RB1: variants seen among roughly 807,000 people sequenced by gnomAD.
RB1 encodes the protein retinoblastoma-associated protein.
Under a neutral mutation model 135.4 loss-of-function variants are expected in RB1, and 18 were observed. The ratio of observed to expected loss-of-function variants is 0.13; its 90% CI spans 0.09 to 0.20. The LOEUF is 0.20. Among genes scored for constraint, RB1 ranks in the 10% least tolerant of loss-of-function variants. RB1 has a pLI of 1.00. For missense variants in RB1, 868 were observed against 1,110.0 expected, an observed-to-expected ratio of 0.78 and a Z score of 3.10; for synonymous variants, 365 against 373.2, an observed-to-expected ratio of 0.98 and a Z score of 0.25.
intron 12 of RB1, among the ~76,000 whole-genome samples, chr13:48,376,338 T>G (rs1487506170): frequency 6.6e-6 from 1 of 151,882 alleles, no homozygotes; most frequent in African/African-American, 2.4e-5. Context: ...CCATCTCTAC[T>G]AAAGAGACAA....
intron 16 of RB1, among the ~76,000 whole-genome samples, chr13:48,380,883 G>C (rs137859404): frequency 6.6e-6 from 1 of 152,212 alleles, no homozygotes; most frequent in African/African-American, 2.4e-5. Flanking sequence ...TGTAACTAAT[G>C]AAATTAGCAG....
At chr13:48,428,562 A>G (rs912441359) in intron 17 of RB1, among the ~76,000 whole-genome samples, 3 of 152,248 alleles carry the variant, frequency 2.0e-5, no homozygotes, top group Admixed American at 6.5e-5. Context: ...TTAGGTAAAT[A>G]TTAAGCAAAG....
intron 2 of RB1, chr13:48,317,504 A>T: frequency 4.4e-6 from 2 of 458,250 alleles, no homozygotes; most frequent in South Asian, 2.1e-5. Context: ...CCCATGTGAA[A>T]GCTCCCCCCA....
rs1389278291 is a variant in RB1, at chr13:48,471,439, T to C, written c.2490-1921T>C. On this transcript the variant is annotated intron_variant, in intron 23 of 26. Coordinates refer to ENST00000267163, the MANE Select transcript of RB1 (RefSeq NM_000321.3). ...GTCGGGGGAGGGGGGAGGGATAGCATTGGGAGATATACCTAATGCTAGATG... is the reference window on the plus strand; with the variant it reads ...GTCGGGGGAGGGGGGAGGGATAGCACTGGGAGATATACCTAATGCTAGATG... 1.3e-4 allele frequency among the ~76,000 whole-genome samples: 14 copies of C among 110,946 alleles called. No individual in the cohort carries two copies. In the East Asian group the frequency reaches 2.5e-3, roughly 20 times the overall value. 72.8% of individuals were successfully genotyped at this position (110,946 alleles called of 152,430 possible).
chr13:48,371,258 C>G (rs141557170), intron 11 of RB1, among the ~76,000 whole-genome samples: 1 of 152,152 alleles, frequency 6.6e-6, no homozygotes, highest in Non-Finnish European at 1.5e-5. Flanking sequence ...TGGTAATAGT[C>G]AGTGGGGGGA....
At chr13:48,304,087 G>A (rs2138028338) in intron 1 of RB1, 38 bp downstream of exon 1, 4 of 1,383,482 alleles carry the variant, frequency 2.9e-6, no homozygotes, top group Non-Finnish European at 3.7e-6. Context: ...ACGCGGGAAG[G>A]GCGCCCCGGG....
chr13:48,457,372 G>A (rs954521153), intron 19 of RB1, among the ~76,000 whole-genome samples: 1 of 152,206 alleles, frequency 6.6e-6, no homozygotes, highest in Non-Finnish European at 1.5e-5. Flanking sequence ...TCTGCAGCTA[G>A]TTGTCTCTCC....
chr13:48,341,608 G>T (rs1445590236), intron 2 of RB1, among the ~76,000 whole-genome samples: 3 of 151,996 alleles, frequency 2.0e-5, no homozygotes, highest in Admixed American at 1.3e-4. Flanking sequence ...AGCTATTCTA[G>T]TGGGTGTATA....
chr13:48,443,909 ACTCT>A (rs1949262387), intron 17 of RB1, among the ~76,000 whole-genome samples: 1 of 151,734 alleles, frequency 6.6e-6, no homozygotes, highest in African/African-American at 2.4e-5. Flanking sequence ...GTAGGAAAAA[ACTCT>A]CTCAAACCAT....
At chr13:48,365,553 A>G (rs1467843840) in intron 9 of RB1, among the ~76,000 whole-genome samples, 1 of 152,198 alleles carries the variant, frequency 6.6e-6, no homozygotes, top group Non-Finnish European at 1.5e-5. Context: ...AGAGCTTTGC[A>G]TGGTAAGACG....
chr13:48,422,333 CAG>C (rs1347453387), intron 17 of RB1, among the ~76,000 whole-genome samples: 1 of 152,012 alleles, frequency 6.6e-6, no homozygotes, highest in African/African-American at 2.4e-5. Context: ...CACATGGACA[CAG>C]GGAGGGGAAC....
chr13:48,344,247 A>T (rs1593435190), intron 3 of RB1, among the ~76,000 whole-genome samples: 1 of 152,252 alleles, frequency 6.6e-6, no homozygotes, highest in African/African-American at 2.4e-5. Flanking sequence ...ATTTAAATCA[A>T]CTTTCCTTTT....
At chr13:48,425,068 T>G (rs969332765) in intron 17 of RB1, among the ~76,000 whole-genome samples, 6 of 151,118 alleles carry the variant, frequency 4.0e-5, no homozygotes, top group East Asian at 1.9e-4. Context: ...AAAAGAAAAA[T>G]AAAAGAATAC....
At chr13:48,411,537 TC>T in intron 17 of RB1, 1 of 1,613,560 alleles carries the variant, frequency 6.2e-7, no homozygotes. Context: ...CTGAATTGTG[TC>T]CGATGTAAAG....
intron 19 of RB1, among the ~76,000 whole-genome samples, chr13:48,457,242 G>A (rs902383219): frequency 5.3e-5 from 8 of 152,186 alleles, no homozygotes; most frequent in Admixed American, 1.3e-4. Context: ...AGAGAAGGTA[G>A]CTCCTCTCTG....
At chr13:48,345,337 A>C in intron 4 of RB1, 138 bp downstream of exon 4, 2 of 999,080 alleles carry the variant, frequency 2.0e-6, no homozygotes, top group Non-Finnish European at 2.9e-6. Flanking sequence ...ATGTTAGCTC[A>C]TTAATTCTTA....
intron 17 of RB1, among the ~76,000 whole-genome samples, chr13:48,405,742 G>GA (rs1948734087): frequency 6.6e-6 from 1 of 152,160 alleles, no homozygotes; most frequent in South Asian, 2.1e-4. Flanking sequence ...GGTATAATCT[G>GA]AAAAATGTCA....
intron 17 of RB1, among the ~76,000 whole-genome samples, chr13:48,398,865 G>A (rs139809011): frequency 1.3e-5 from 2 of 152,046 alleles, no homozygotes; most frequent in Non-Finnish European, 2.9e-5. Flanking sequence ...AGTAACAAGG[G>A]AAGTGTTTTG....
intron 17 of RB1, among the ~76,000 whole-genome samples, chr13:48,436,568 G>T (rs898981780): frequency 2.0e-5 from 3 of 151,984 alleles, no homozygotes; most frequent in African/African-American, 7.2e-5. Flanking sequence ...GCTTGAACCC[G>T]GGAGACGGAG....
Sources: gnomAD v4.1 joint callset for allele counts (sites outside exome capture counted in the v4.1 genomes callset) on GRCh38, gnomAD v4.1.1 for gene constraint, MANE v1.5 for transcripts, NCBI Gene and HGNC (gene_info 2026-07-23, HGNC 2026-07-21) for gene names.